The following SGTA variants were observed in gnomAD, a reference collection of about 807,000 sequenced individuals.
SGTA encodes the protein small glutamine-rich tetratricopeptide repeat-containing protein alpha.
In SGTA, 22 loss-of-function variants were observed where a neutral mutation model predicts 44.3. The ratio of observed to expected loss-of-function variants is 0.50; its 90% CI spans 0.36 to 0.71. The LOEUF is 0.71. SGTA is among the 30% of genes least tolerant of loss of function. The probability of loss-of-function intolerance (pLI) is 0.00; values close to 1 mark genes in which losing one functional copy is unlikely to be tolerated. For synonymous variants in SGTA, 174 were observed against 177.6 expected (o/e 0.98, Z 0.16); for missense variants, 341 against 435.9 (o/e 0.78, Z 1.94).
rs775500966 is a variant in SGTA, at chr19:2,765,305, C to T, written c.293-20G>A. On this transcript the variant is annotated intron_variant, in intron 4 of 11. Transcript: ENST00000221566. The surrounding 1 kb of genome is among the most constrained non-coding windows in gnomAD (Gnocchi z 5.5). ...CGTTTCCTACAGGGAGAGAGGAAAACACCGGCCCGGTGTCCACACAGACCG... is the reference window on the plus strand; with the variant it reads ...CGTTTCCTACAGGGAGAGAGGAAAATACCGGCCCGGTGTCCACACAGACCG... The T allele has an allele frequency of 6.3e-7, 1 of 1,586,110 alleles. No homozygotes were observed. The highest frequency in any genetic ancestry group is 1.7e-5 in the Admixed American group (1 of 59,562).
intron 1 of SGTA, among the ~76,000 whole-genome samples, chr19:2,779,687 A>G (rs1915526184): frequency 6.6e-6 from 1 of 152,210 alleles, no homozygotes; most frequent in African/African-American, 2.4e-5. Context: ...GCCAGCTCCA[A>G]TGTTGGGGGC....
At chr19:2,775,384 A>G (rs867052659) in intron 1 of SGTA, among the ~76,000 whole-genome samples, 3 of 152,206 alleles carry the variant, frequency 2.0e-5, no homozygotes, top group Admixed American at 6.5e-5. Flanking sequence ...CAAGCAAGGC[A>G]TTGGCCCGCC....
intron 1 of SGTA, among the ~76,000 whole-genome samples, chr19:2,777,120 G>A (rs1330931453): frequency 6.6e-6 from 1 of 151,600 alleles, no homozygotes; most frequent in African/African-American, 2.4e-5. Context: ...TCGTAGTGGT[G>A]CGCGCCTGTA....
intron 6 of SGTA, among the ~76,000 whole-genome samples, chr19:2,762,864 G>A (rs2302493): frequency 0.27 from 41,794 of 152,064 alleles, 6,291 homozygotes; most frequent in East Asian, 0.65. Flanking sequence ...CACAAGAACT[G>A]GAGTCCCCAT....
chr19:2,782,507 T>C (rs1468412918), intron 1 of SGTA: 1 of 152,188 alleles, frequency 6.6e-6, no homozygotes, highest in African/African-American at 2.4e-5. Flanking sequence ...CTCCGAGGCA[T>C]CTGCTTTTAC....
rs577262642 is a variant in SGTA, at chr19:2,777,392, A to T, written c.-24+5841T>A. On this transcript the variant is annotated intron_variant, in intron 1 of 11. Coordinates refer to ENST00000221566, the MANE Select transcript of SGTA (RefSeq NM_003021.4). ...CATAGGGAGACCCCATCTCTGCAAAACATTAAAAAATTAGCTGGGTGTGGT... is the reference window on the plus strand; with the variant it reads ...CATAGGGAGACCCCATCTCTGCAAATCATTAAAAAATTAGCTGGGTGTGGT... The T allele has an allele frequency of 4.6e-5, 7 of 151,888 alleles. 1 individual carries two copies. Among genetic ancestry groups the T allele is most frequent in the African/African-American group, 1.7e-4 (7 of 41,254 alleles). The allele number at this position is 151,888 out of a possible 1,614,324, so 9.4% of individuals were successfully genotyped here.
rs75211529 is a variant in SGTA at position 2,761,421 on chromosome 19, C to T, written c.699+39G>A. 14 of 1,525,154 alleles carry T rather than the reference C, an allele frequency of 9.2e-6. No homozygotes were observed. Among genetic ancestry groups the T allele is most frequent in the East Asian group, 2.5e-5 (1 of 40,786 alleles). 94.5% of individuals were successfully genotyped at this position (1,525,154 alleles called of 1,614,324 possible). ...CAGCAGATGCGGGCCTGGGGGGTGG[C>T]GCAGACACCATGGACAGGGAGGAGG... On this transcript the variant is annotated intron_variant, in intron 8 of 11. Coordinates refer to ENST00000221566, the MANE Select transcript of SGTA (RefSeq NM_003021.4). This position sits in a 1 kb window ranked among gnomAD's most constrained non-coding sequence, Gnocchi z 5.7.
chr19:2,775,493 C>CA (rs1485131289), intron 1 of SGTA, among the ~76,000 whole-genome samples: 1 of 152,208 alleles, frequency 6.6e-6, no homozygotes, highest in East Asian at 1.9e-4. Context: ...TGGGTGTGCC[C>CA]ACAGCTTTGT....
At chr19:2,777,684 C>A (rs892739715) in intron 1 of SGTA, 8 of 152,156 alleles carry the variant, frequency 5.3e-5, no homozygotes, top group Admixed American at 6.6e-5. Flanking sequence ...CAGGCGGCAT[C>A]AGGTCAGGAT....
rs757511415 is a variant in SGTA, at chr19:2,759,587, G to A, written c.700-293C>T. 7.8e-5 allele frequency: 33 copies of A among 422,536 alleles called. No individual in the cohort carries two copies. The East Asian group carries it at 1.1e-3, about 14-fold the overall frequency. The allele number at this position is 422,536 out of a possible 1,614,324, so 26.2% of individuals were successfully genotyped here. On this transcript the variant is annotated intron_variant, in intron 8 of 11. Transcript: ENST00000221566. ...TGCTGCGGTTTTGCTGTGTGGAGGC[G>A]TTTTGGTTCTTTATTTTAGCTGCTG...
chr19:2,763,134 G>A lies in SGTA; in HGVS notation c.498-490C>T, dbSNP rs961547674. Among the ~76,000 whole-genome samples, 2 of 152,172 alleles carry A rather than the reference G, an allele frequency of 1.3e-5. No individual in the cohort carries two copies. The highest frequency in any genetic ancestry group is 1.3e-4 in the Admixed American group (2 of 15,284). ...GGAGGAGGCGGGTCCTGGGGAGACT[G>A]GGCAGTTGAACAGGGCCCCTCCCCA... On this transcript the variant is annotated intron_variant, in intron 6 of 11. Transcript: ENST00000221566. This position sits in a 1 kb window ranked among gnomAD's most constrained non-coding sequence, Gnocchi z 5.8.
chr19:2,766,364 G>C (rs1280663626), intron 4 of SGTA, among the ~76,000 whole-genome samples: 1 of 152,210 alleles, frequency 6.6e-6, no homozygotes, highest in Admixed American at 6.5e-5. Context: ...GATGGGCCAT[G>C]CTGTGCTGAC....
At chr19:2,771,911 G>A (rs1356342926) in intron 1 of SGTA, among the ~76,000 whole-genome samples, 13 of 152,208 alleles carry the variant, frequency 8.5e-5, no homozygotes, top group Admixed American at 8.5e-4. Flanking sequence ...TGCTCCTTCC[G>A]GGCTGGGCTG....
chr19:2,772,707 G>A (rs1915340539), intron 1 of SGTA, among the ~76,000 whole-genome samples: 1 of 152,230 alleles, frequency 6.6e-6, no homozygotes, highest in South Asian at 2.1e-4. Flanking sequence ...TATAAAAAGG[G>A]GACATTTGGA....
At chr19:2,768,883 C>T (rs765299430) in intron 2 of SGTA, 86 bp downstream of exon 2, 59 of 971,628 alleles carry the variant, frequency 6.1e-5, no homozygotes, top group Non-Finnish European at 8.6e-5. Flanking sequence ...GGCGGGGGAC[C>T]AGGCATCTAC....
chr19:2,778,541 C>T (rs929083619), intron 1 of SGTA, among the ~76,000 whole-genome samples: 1 of 151,708 alleles, frequency 6.6e-6, no homozygotes, highest in African/African-American at 2.4e-5. Flanking sequence ...ACCTCTTAGC[C>T]TCAGGGTCTC....
rs1915113994 is a variant in SGTA at position 2,765,540 on chromosome 19, C to T, written c.293-255G>A. ...TGGGGGCGGCAGGGCCTGGCCTGGC[C>T]TGTGCCTGGCGACGGTGGCTGTCAC... On this transcript the variant is annotated intron_variant, in intron 4 of 11. Transcript: ENST00000221566. This position sits in a 1 kb window ranked among gnomAD's most constrained non-coding sequence, Gnocchi z 5.5. Among the ~76,000 whole-genome samples, 1 of 152,142 alleles carries T rather than the reference C, an allele frequency of 6.6e-6. No homozygotes were observed. The highest frequency in any genetic ancestry group is 1.5e-5 in the Non-Finnish European group (1 of 68,028).
intron 1 of SGTA, among the ~76,000 whole-genome samples, chr19:2,779,922 TA>T (rs928710469): frequency 6.0e-4 from 86 of 144,164 alleles, no homozygotes; most frequent in East Asian, 8.0e-4. Flanking sequence ...AAAGAGACTC[TA>T]AAAAAAAAAA....
chr19:2,782,228 A>C (rs983612001), intron 1 of SGTA, among the ~76,000 whole-genome samples: 3 of 152,214 alleles, frequency 2.0e-5, no homozygotes, highest in Non-Finnish European at 4.4e-5. Context: ...CCAAATCATG[A>C]CAAGCACAAA....
Sources: gnomAD v4.1 joint callset for allele counts (sites outside exome capture counted in the v4.1 genomes callset) on GRCh38, gnomAD v4.1.1 for gene constraint, Gnocchi (gnomAD v3.1) non-coding constraint, MANE v1.5 for transcripts, NCBI Gene and HGNC (gene_info 2026-07-23, HGNC 2026-07-21) for gene names.